The following TNFAIP8 variants were observed in gnomAD, a reference collection of about 807,000 sequenced individuals.
TNFAIP8 encodes tumor necrosis factor alpha-induced protein 8.
A neutral mutation model predicts 13.3 loss-of-function variants in TNFAIP8; 7 were observed. That is an observed-to-expected ratio of 0.52 (90% CI 0.30 to 0.99). The LOEUF (loss-of-function observed/expected upper bound fraction) is 0.99. TNFAIP8 is among the 50% of genes least tolerant of loss of function. The probability of loss-of-function intolerance (pLI) is 0.07; values close to 1 mark genes in which losing one functional copy is unlikely to be tolerated. For missense variants in TNFAIP8, 258 were observed against 236.9 expected (o/e 1.09, Z -0.58); for synonymous variants, 94 against 87.6 (o/e 1.07, Z -0.41).
intron 1 of TNFAIP8, among the ~76,000 whole-genome samples, chr5:119,297,243 A>G (rs1749206696): frequency 6.6e-6 from 1 of 152,020 alleles, no homozygotes; most frequent in African/African-American, 2.4e-5. Context: ...GTGGGCATTT[A>G]GTGCTATAAA....
At chr5:119,269,046 T>C in intron 1 of TNFAIP8, 1 of 585,466 alleles carries the variant, frequency 1.7e-6, no homozygotes, top group Non-Finnish European at 3.0e-6. Flanking sequence ...AGTGGGTGCG[T>C]TTGAACAACT....
At chr5:119,368,345 C>T (rs781761197) in intron 1 of TNFAIP8, among the ~76,000 whole-genome samples, 8 of 150,056 alleles carry the variant, frequency 5.3e-5, no homozygotes, top group Non-Finnish European at 1.0e-4. Context: ...TGCTATCTCC[C>T]GAAATAATAT....
At chr5:119,378,840 G>A (rs1189071579) in intron 1 of TNFAIP8, among the ~76,000 whole-genome samples, 1 of 152,166 alleles carries the variant, frequency 6.6e-6, no homozygotes, top group Non-Finnish European at 1.5e-5. Context: ...TTGGGAGGCT[G>A]AGACAGGAGG....
At chr5:119,277,444 A>G (rs550889988) in intron 1 of TNFAIP8, among the ~76,000 whole-genome samples, 1 of 152,108 alleles carries the variant, frequency 6.6e-6, no homozygotes, top group East Asian at 1.9e-4. Context: ...AATTTTTAAT[A>G]TTATAGCTCA....
At chr5:119,307,053 T>C (rs1159232028) in intron 1 of TNFAIP8, among the ~76,000 whole-genome samples, 1 of 152,230 alleles carries the variant, frequency 6.6e-6, no homozygotes, top group African/African-American at 2.4e-5. Context: ...TGAAATGATG[T>C]ACATTTTATA....
chr5:119,314,207 A>AACC (rs1561996695), intron 1 of TNFAIP8, among the ~76,000 whole-genome samples: 106 of 145,554 alleles, frequency 7.3e-4, no homozygotes, highest in African/African-American at 2.5e-3. Context: ...ACAAACAAAA[A>AACC]AACCATGTCT....
intron 1 of TNFAIP8, among the ~76,000 whole-genome samples, chr5:119,318,541 G>A (rs985674618): frequency 2.6e-5 from 4 of 151,912 alleles, no homozygotes; most frequent in Non-Finnish European, 4.4e-5. Context: ...AGTGAACCTC[G>A]TGCTTCAGTC....
intron 1 of TNFAIP8, among the ~76,000 whole-genome samples, chr5:119,275,118 T>C (rs1748399972): frequency 6.6e-6 from 1 of 150,422 alleles, no homozygotes; most frequent in Non-Finnish European, 1.5e-5. Flanking sequence ...AAACACAACA[T>C]ATAAAATGAA....
chr5:119,323,679 C>T (rs560591878), intron 1 of TNFAIP8, among the ~76,000 whole-genome samples: 1 of 152,290 alleles, frequency 6.6e-6, no homozygotes, highest in East Asian at 1.9e-4. Context: ...CTTCTGTTAG[C>T]AAATCAGTTG....
chr5:119,281,811 T>C (rs1748639403), intron 1 of TNFAIP8, among the ~76,000 whole-genome samples: 1 of 152,236 alleles, frequency 6.6e-6, no homozygotes, highest in Non-Finnish European at 1.5e-5. Flanking sequence ...TGAAGCTCTT[T>C]CTCTAGTAGA....
At chr5:119,282,760 T>C (rs1256162660) in intron 1 of TNFAIP8, among the ~76,000 whole-genome samples, 2 of 152,194 alleles carry the variant, frequency 1.3e-5, no homozygotes, top group Non-Finnish European at 2.9e-5. Context: ...GTGCCAGGGA[T>C]TCCACCTGCC....
At chr5:119,303,429 G>A (rs1749455048) in intron 1 of TNFAIP8, among the ~76,000 whole-genome samples, 1 of 152,082 alleles carries the variant, frequency 6.6e-6, no homozygotes, top group Non-Finnish European at 1.5e-5. Flanking sequence ...AGTGCTGTGT[G>A]CTCTGTAATG....
intron 1 of TNFAIP8, among the ~76,000 whole-genome samples, chr5:119,314,132 G>T (rs13171443): frequency 6.6e-6 from 1 of 151,950 alleles, no homozygotes; most frequent in Non-Finnish European, 1.5e-5. Context: ...CCAGGAATTC[G>T]CATCTAGCCT....
intron 1 of TNFAIP8, among the ~76,000 whole-genome samples, chr5:119,300,345 C>CT (rs1749347169): frequency 1.3e-5 from 2 of 152,206 alleles, no homozygotes; most frequent in South Asian, 4.1e-4. Context: ...AGCGTATTCT[C>CT]TTTAAGTGTG....
At chr5:119,384,244 G>A (rs183132273) in intron 1 of TNFAIP8, among the ~76,000 whole-genome samples, 10 of 152,284 alleles carry the variant, frequency 6.6e-5, no homozygotes, top group African/African-American at 2.2e-4. Flanking sequence ...TAGCACTTTG[G>A]GAGACCGAGG....
intron 1 of TNFAIP8, among the ~76,000 whole-genome samples, chr5:119,377,152 A>G (rs1752314767): frequency 6.6e-6 from 1 of 152,200 alleles, no homozygotes. Context: ...CCAGTAATCC[A>G]GCACTTTGGG....
intron 1 of TNFAIP8, among the ~76,000 whole-genome samples, chr5:119,313,725 G>T (rs1749801448): frequency 6.6e-6 from 1 of 152,204 alleles, no homozygotes; most frequent in Non-Finnish European, 1.5e-5. Context: ...GCAGCCTTAA[G>T]ATGGAATGCT....
At chr5:119,276,610 C>G (rs1748457704) in intron 1 of TNFAIP8, among the ~76,000 whole-genome samples, 1 of 152,178 alleles carries the variant, frequency 6.6e-6, no homozygotes, top group African/African-American at 2.4e-5. Context: ...CTGAGGCCTC[C>G]CTCCTTGCCT....
intron 1 of TNFAIP8, among the ~76,000 whole-genome samples, chr5:119,310,365 T>C (rs1749691602): frequency 6.6e-6 from 1 of 152,162 alleles, no homozygotes; most frequent in African/African-American, 2.4e-5. Context: ...CTAGGACAGT[T>C]ACCCCAGCAG....
Sources: gnomAD v4.1 joint callset for allele counts (sites outside exome capture counted in the v4.1 genomes callset) on GRCh38, gnomAD v4.1.1 for gene constraint, MANE v1.5 for transcripts, NCBI Gene and HGNC (gene_info 2026-07-23, HGNC 2026-07-21) for gene names.